SBF2: variants seen among roughly 807,000 people sequenced by gnomAD.
SBF2 encodes the protein myotubularin-related protein 13.
A neutral mutation model predicts 225.2 loss-of-function variants in SBF2; 112 were observed. The observed-to-expected ratio is 0.50, with a 90% CI of 0.43 to 0.58. The LOEUF is 0.58. Ranked by LOEUF, SBF2 falls within the 20% of genes least tolerant of loss-of-function variation. The pLI is 0.00. For synonymous variants in SBF2, 763 were observed against 773.3 expected (o/e 0.99, Z 0.22); for missense variants, 1,996 against 2,206.2 (o/e 0.90, Z 1.91).
chr11:10,111,417 G>C (rs1438141198), intron 2 of SBF2, among the ~76,000 whole-genome samples: 1 of 152,162 alleles, frequency 6.6e-6, no homozygotes, highest in Non-Finnish European at 1.5e-5. Flanking sequence ...TCAAATCATA[G>C]CAACAGTATT....
intron 2 of SBF2, among the ~76,000 whole-genome samples, chr11:10,089,942 C>G (rs1184832169): frequency 6.6e-6 from 1 of 152,100 alleles, no homozygotes; most frequent in Non-Finnish European, 1.5e-5. Flanking sequence ...AAATGTCCAT[C>G]AATAGATGAA....
At chr11:10,121,473 T>G (rs757514833) in intron 2 of SBF2, among the ~76,000 whole-genome samples, 1 of 152,348 alleles carries the variant, frequency 6.6e-6, no homozygotes, top group African/African-American at 2.4e-5. Flanking sequence ...AGGAAAGATA[T>G]ATCCCCCTCC....
intron 1 of SBF2, among the ~76,000 whole-genome samples, chr11:10,270,994 CAAAAAAA>C (rs1180184303): frequency 7.9e-4 from 22 of 27,682 alleles, no homozygotes; most frequent in South Asian, 1.4e-3. Context: ...GACTCTGTCT[CAAAAAAA>C]AAAAAAAAAA....
In SBF2 at chr11:10,252,971, G is replaced by A. The variant is rs1278383067; in HGVS notation, c.55+41044C>T. Among the ~76,000 whole-genome samples the A allele has an allele frequency of 2.6e-5, 4 of 152,138 alleles. No individual in the cohort carries two copies. The East Asian group carries it at 5.8e-4, about 22-fold the overall frequency. ...ACCACGTGGCTGCACTGGAGTCTCT[G>A]TGAATCTGCTGTGATTCTGGGATCT... is the stretch of plus-strand genomic sequence containing the variant. On this transcript the variant is annotated intron_variant, in intron 1 of 39. Coordinates refer to ENST00000256190, the MANE Select transcript of SBF2 (RefSeq NM_030962.4).
Position 10,272,049 on chromosome 11 carries a change from G to A in SBF2, c.55+21966C>T, listed in dbSNP as rs1165759420. 56 of 1,134,204 alleles carry A rather than the reference G, an allele frequency of 4.9e-5. 11 individuals carry two copies. The East Asian group carries it at 1.3e-3, about 27-fold the overall frequency. 70.3% of individuals were successfully genotyped at this position (1,134,204 alleles called of 1,614,324 possible). ...GCATTCCTCAGCAAACTTCTCTCGA[G>A]TCTTCAGAGTAAAGCACAGGATCTA... On this transcript the variant is annotated intron_variant, in intron 1 of 39. Transcript: ENST00000256190.
chr11:9,852,353 G>A (rs1281405234), intron 21 of SBF2, among the ~76,000 whole-genome samples: 2 of 152,130 alleles, frequency 1.3e-5, no homozygotes, highest in South Asian at 2.1e-4. Context: ...GTGGGGGAGG[G>A]GGAGAAAATA....
intron 16 of SBF2, among the ~76,000 whole-genome samples, chr11:9,913,488 AC>A (rs1862816940): frequency 6.6e-6 from 1 of 152,170 alleles, no homozygotes; most frequent in Non-Finnish European, 1.5e-5. Context: ...TTAGAAAAAA[AC>A]ATTTGACCTC....
chr11:9,948,661 C>G (rs930972934), intron 16 of SBF2, among the ~76,000 whole-genome samples: 1 of 152,184 alleles, frequency 6.6e-6, no homozygotes, highest in Admixed American at 6.5e-5. Context: ...TTGCCAGACT[C>G]TCTCAGAACA....
At chr11:9,857,287 C>G (rs1167379241) in intron 18 of SBF2, among the ~76,000 whole-genome samples, 1 of 152,166 alleles carries the variant, frequency 6.6e-6, no homozygotes, top group African/African-American at 2.4e-5. Context: ...TGTCTATGGT[C>G]TCACTTGTAC....
intron 2 of SBF2, among the ~76,000 whole-genome samples, chr11:10,121,014 C>T (rs1448278477): frequency 6.6e-6 from 1 of 152,226 alleles, no homozygotes; most frequent in Non-Finnish European, 1.5e-5. Flanking sequence ...TATCTACCTG[C>T]CTCGGCCTCC....
chr11:10,258,109 C>CTT (rs1555098199), intron 1 of SBF2, among the ~76,000 whole-genome samples: 1 of 133,526 alleles, frequency 7.5e-6, no homozygotes, highest in African/African-American at 2.8e-5. Flanking sequence ...CACACACACA[C>CTT]TTTTTTTTTT....
intron 1 of SBF2, among the ~76,000 whole-genome samples, chr11:10,247,917 C>T (rs1288932518): frequency 6.6e-6 from 1 of 152,116 alleles, no homozygotes; most frequent in African/African-American, 2.4e-5. Flanking sequence ...GTAGAATGAA[C>T]AGTCTTGAAT....
intron 2 of SBF2, among the ~76,000 whole-genome samples, chr11:10,124,124 C>T (rs1953621486): frequency 6.6e-6 from 1 of 152,140 alleles, no homozygotes; most frequent in Non-Finnish European, 1.5e-5. Context: ...CTCATGGTTT[C>T]TGGCAATATG....
chr11:10,233,124 A>T (rs1258210697), intron 1 of SBF2, among the ~76,000 whole-genome samples: 1 of 152,172 alleles, frequency 6.6e-6, no homozygotes, highest in Non-Finnish European at 1.5e-5. Context: ...CTATTTTTAG[A>T]TTTTTAGTAC....
At chr11:10,289,163 G>A (rs181365562) in intron 1 of SBF2, among the ~76,000 whole-genome samples, 1 of 152,330 alleles carries the variant, frequency 6.6e-6, no homozygotes, top group Admixed American at 6.5e-5. Context: ...ACCCTGGCTT[G>A]GCCCCAACCC....
At chr11:10,133,279 C>A (rs1266503530) in intron 2 of SBF2, among the ~76,000 whole-genome samples, 1 of 149,480 alleles carries the variant, frequency 6.7e-6, no homozygotes, top group Non-Finnish European at 1.5e-5. Context: ...GGTGGAGCTG[C>A]CTGCCAGTCC....
intron 2 of SBF2, among the ~76,000 whole-genome samples, chr11:10,160,445 G>A (rs1490738220): frequency 6.6e-6 from 1 of 151,958 alleles, no homozygotes; most frequent in East Asian, 1.9e-4. Context: ...CCAGAGAAGA[G>A]GCAAAGAGAG....
chr11:9,839,634 C>T lies in SBF2; in HGVS notation c.3319G>A (p.Glu1107Lys). The change falls in exon 26 of 40, where the codon GAA becomes AAA. Residue 1107 changes from glutamate to lysine, a missense_variant. Coordinates refer to ENST00000256190, the MANE Select transcript of SBF2 (RefSeq NM_030962.4). Reference protein sequence around the residue: ...TLKASEKSTMEQLVEKACFRD... With the variant: ...TLKASEKSTMKQLVEKACFRD... Reference sequence around the variant, plus strand: ...AAACAAGCTTTTTCCACCAACTGTTCCATTGTAGACTTCTCGGAGGCCTTC... The same window carrying T: ...AAACAAGCTTTTTCCACCAACTGTTTCATTGTAGACTTCTCGGAGGCCTTC... 5 of 1,614,148 alleles carry T rather than the reference C, an allele frequency of 3.1e-6. No individual in the cohort carries two copies. The highest frequency in any genetic ancestry group is 3.4e-6 in the Non-Finnish European group (4 of 1,180,014).
chr11:9,958,692 T>C (rs934572773), intron 16 of SBF2: 4 of 324,250 alleles, frequency 1.2e-5, no homozygotes, highest in Non-Finnish European at 1.9e-5. Context: ...AGAGTTGGAG[T>C]TGGATGAAGT....
Sources: gnomAD v4.1 joint callset for allele counts (sites outside exome capture counted in the v4.1 genomes callset) on GRCh38, gnomAD v4.1.1 for gene constraint, MANE v1.5 for transcripts, NCBI Gene and HGNC (gene_info 2026-07-23, HGNC 2026-07-21) for gene names.